LRRC69: variants seen among roughly 807,000 people sequenced by gnomAD.
LRRC69 encodes the protein leucine rich repeat containing 69.
In LRRC69, 42 loss-of-function variants were observed where a neutral mutation model predicts 37.8. The observed-to-expected ratio is 1.11, with a 90% confidence interval of 0.87 to 1.44. The LOEUF (loss-of-function observed/expected upper bound fraction) is 1.44, where lower values mean the gene tolerates loss of function less well. LRRC69 is among the 40% of genes most tolerant of loss of function. LRRC69 has a pLI of 0.00. For synonymous variants in LRRC69, 141 were observed against 143.1 expected (o/e 0.99, Z 0.11); for missense variants, 357 against 401.9 (o/e 0.89, Z 0.96).
chr8:91,202,714 C>A (rs188911043), intron 7 of LRRC69, among the ~76,000 whole-genome samples: 1 of 152,146 alleles, frequency 6.6e-6, no homozygotes, highest in African/African-American at 2.4e-5. Flanking sequence ...CAAAATACCA[C>A]GTAGTTTACA....
chr8:91,209,380 C>T (rs1374554157), intron 7 of LRRC69: 1 of 151,946 alleles, frequency 6.6e-6, no homozygotes, highest in Non-Finnish European at 1.5e-5. Flanking sequence ...TGTAGTGAGC[C>T]GAGATCACGC....
chr8:91,190,268 GTT>G (rs60246431), intron 6 of LRRC69, among the ~76,000 whole-genome samples: 2 of 137,850 alleles, frequency 1.5e-5, no homozygotes, highest in African/African-American at 5.3e-5. Flanking sequence ...GGCTTACTTT[GTT>G]TTTTTTTTTT....
chr8:91,216,514 T>C (rs1014673366), intron 7 of LRRC69, among the ~76,000 whole-genome samples: 2 of 152,176 alleles, frequency 1.3e-5, no homozygotes, highest in African/African-American at 2.4e-5. Context: ...TTCAGGTTTC[T>C]TAAAGAGGAG....
At chr8:91,196,461 C>T (rs1269599866) in intron 6 of LRRC69, among the ~76,000 whole-genome samples, 1 of 152,022 alleles carries the variant, frequency 6.6e-6, no homozygotes, top group Non-Finnish European at 1.5e-5. Context: ...GTTCCATTCT[C>T]CCCATCACTT....
intron 2 of LRRC69, among the ~76,000 whole-genome samples, chr8:91,124,982 CT>C (rs2130503084): frequency 6.6e-6 from 1 of 151,888 alleles, no homozygotes; most frequent in Admixed American, 6.6e-5. Context: ...ACTTTTTATT[CT>C]GTCTTAGATA....
intron 7 of LRRC69, among the ~76,000 whole-genome samples, chr8:91,211,083 TGGC>T (rs1417119905): frequency 2.1e-4 from 32 of 152,068 alleles, no homozygotes; most frequent in Admixed American, 3.9e-4. Flanking sequence ...GAAAAAACAA[TGGC>T]ATACTATTTT....
intron 1 of LRRC69, among the ~76,000 whole-genome samples, chr8:91,104,370 G>T (rs1353013335): frequency 6.6e-6 from 1 of 151,666 alleles, no homozygotes; most frequent in Non-Finnish European, 1.5e-5. Flanking sequence ...TTAAATATTT[G>T]TTTTGTGTCT....
chr8:91,200,246 A>G (rs1048012326), intron 6 of LRRC69, among the ~76,000 whole-genome samples: 1 of 152,210 alleles, frequency 6.6e-6, no homozygotes, highest in Non-Finnish European at 1.5e-5. Context: ...GACAAAATTC[A>G]TTTTTGAATC....
intron 5 of LRRC69, among the ~76,000 whole-genome samples, chr8:91,149,100 T>G (rs557362399): frequency 6.6e-6 from 1 of 152,012 alleles, no homozygotes; most frequent in East Asian, 1.9e-4. Context: ...AGATCCCATT[T>G]GTCAATTTTG....
chr8:91,133,117 A>G (rs749941521), exon 4 of LRRC69: 1 of 1,462,648 alleles, frequency 6.8e-7, no homozygotes, highest in South Asian at 1.3e-5. Flanking sequence ...TAGATTAAAA[A>G]GTCTTACTTA....
chr8:91,194,426 C>T (rs1809557373), intron 6 of LRRC69, among the ~76,000 whole-genome samples: 1 of 151,834 alleles, frequency 6.6e-6, no homozygotes, highest in Admixed American at 6.6e-5. Context: ...GGAATGGTAC[C>T]AGTTCCTCCT....
chr8:91,173,010 G>A (rs1484099911), intron 5 of LRRC69, among the ~76,000 whole-genome samples: 1 of 152,026 alleles, frequency 6.6e-6, no homozygotes, highest in East Asian at 1.9e-4. Context: ...GTGAGTGTGT[G>A]GAAGCAAGTA....
At chr8:91,173,899 TG>T (rs1400967491) in intron 5 of LRRC69, among the ~76,000 whole-genome samples, 7 of 151,672 alleles carry the variant, frequency 4.6e-5, no homozygotes, top group Admixed American at 3.9e-4. Context: ...AACGAATTTT[TG>T]GGGGACACAA....
intron 2 of LRRC69, chr8:91,124,864 A>T (rs1359417128): frequency 1.5e-5 from 5 of 344,816 alleles, no homozygotes; most frequent in Non-Finnish European, 2.1e-5. Flanking sequence ...CTCTTTGTAG[A>T]ATCAGTATAA....
chr8:91,189,499 A>C, intron 5 of LRRC69, 23 bp from the exon 6 acceptor site: 1 of 1,446,126 alleles, frequency 6.9e-7, no homozygotes, highest in Non-Finnish European at 9.5e-7. Flanking sequence ...TTGTGCAATA[A>C]GGTTTTTATT....
intron 1 of LRRC69, among the ~76,000 whole-genome samples, chr8:91,120,833 G>T (rs756816604): frequency 3.3e-5 from 5 of 151,912 alleles, no homozygotes; most frequent in Non-Finnish European, 5.9e-5. Flanking sequence ...TCCACATGAT[G>T]CCTTTTACTT....
chr8:91,123,713 G>A (rs1813669346), intron 1 of LRRC69, among the ~76,000 whole-genome samples: 1 of 151,952 alleles, frequency 6.6e-6, no homozygotes, highest in Non-Finnish European at 1.5e-5. Flanking sequence ...ATGTTTAGGA[G>A]TAAAGTAAAA....
At chr8:91,132,135 A>G (rs1813819427) in intron 3 of LRRC69, among the ~76,000 whole-genome samples, 1 of 151,616 alleles carries the variant, frequency 6.6e-6, no homozygotes, top group Non-Finnish European at 1.5e-5. Context: ...TCATTCTTAC[A>G]TTACTTCAAT....
In LRRC69 at chr8:91,198,389, A is replaced by G. The variant is rs189348140; in HGVS notation, c.754-2224A>G. On this transcript the variant is annotated intron_variant, in intron 6 of 7. Coordinates refer to ENST00000448384, the Ensembl canonical transcript of LRRC69. The stretch of plus-strand genomic sequence containing the variant: ...ATAGAGCCAGAATTTACACCTATGC[A>G]TGTATTTGTCTCAGACTTTGAATTT... Among the ~76,000 whole-genome samples, 177 of 152,306 alleles carry G rather than the reference A, an allele frequency of 1.2e-3. 1 individual carries two copies. The highest frequency in any genetic ancestry group is 2.5e-3 in the Admixed American group (39 of 15,300).
Sources: gnomAD v4.1 joint callset for allele counts (sites outside exome capture counted in the v4.1 genomes callset) on GRCh38, gnomAD v4.1.1 for gene constraint, MANE v1.5 for transcripts, NCBI Gene and HGNC (gene_info 2026-07-23, HGNC 2026-07-21) for gene names.